The following SUGCT variants were observed in gnomAD, a reference collection of about 807,000 sequenced individuals.
SUGCT encodes the protein succinyl-CoA:glutarate-CoA transferase, also known as succinyl-CoA:glutarate CoA-transferase.
A neutral mutation model predicts 55.0 loss-of-function variants in SUGCT; 41 were observed. The ratio of observed to expected loss-of-function variants is 0.74; its 90% CI spans 0.58 to 0.97. The LOEUF is 0.97. Among genes scored for constraint, SUGCT ranks in the 50% least tolerant of loss-of-function variants. The pLI is 0.00. For synonymous variants in SUGCT, 187 were observed against 200.4 expected, an observed-to-expected ratio of 0.93 and a Z score of 0.56; for missense variants, 568 against 547.8, an observed-to-expected ratio of 1.04 and a Z score of -0.37.
chr7:40,688,137 C>T (rs553238370), intron 12 of SUGCT, among the ~76,000 whole-genome samples: 1 of 152,204 alleles, frequency 6.6e-6, no homozygotes, highest in South Asian at 2.1e-4. Flanking sequence ...ATTATTAGTC[C>T]TTTGATAAGC....
At chr7:40,180,741 G>A (rs1457021743) in intron 1 of SUGCT, among the ~76,000 whole-genome samples, 2 of 151,976 alleles carry the variant, frequency 1.3e-5, no homozygotes, top group Non-Finnish European at 1.5e-5. Context: ...CGCCTGCCTC[G>A]GCCTCCGAAA....
chr7:40,963,741 C>T, the SUGCT span, among the ~76,000 whole-genome samples: 3 of 38,722 alleles, frequency 7.7e-5, no homozygotes, highest in East Asian at 4.4e-4. Flanking sequence ...TCATTCTCTT[C>T]GTTGTTTCTG....
At chr7:40,464,543 G>T (rs140424266) in intron 11 of SUGCT, among the ~76,000 whole-genome samples, 70 of 152,226 alleles carry the variant, frequency 4.6e-4, no homozygotes, top group African/African-American at 1.6e-3. Context: ...AATCATGACA[G>T]CAGAAAAAAA....
At chr7:40,781,632 G>C (rs1789756160) in intron 13 of SUGCT, among the ~76,000 whole-genome samples, 1 of 152,176 alleles carries the variant, frequency 6.6e-6, no homozygotes, top group South Asian at 2.1e-4. Flanking sequence ...TGTTTTCTGA[G>C]AATGAATAGA....
rs184540096 is a variant in SUGCT at position 40,842,571 on chromosome 7, C to G, written c.1154-17745C>G. Among the ~76,000 whole-genome samples the G allele has an allele frequency of 4.2e-3, 634 of 152,274 alleles. 2 individuals carry two copies. Among genetic ancestry groups the G allele is most frequent in the Non-Finnish European group, 7.4e-3 (500 of 68,002 alleles). The stretch of plus-strand genomic sequence containing the variant: ...GTTTATTTCTGAAAATGTAGAAACT[C>G]TTCCTCTTCATTTATTTGTTCATTT... On this transcript the variant is annotated intron_variant, in intron 13 of 13. Transcript: ENST00000335693.
chr7:40,377,538 C>T (rs953071534), intron 9 of SUGCT, among the ~76,000 whole-genome samples: 4 of 151,954 alleles, frequency 2.6e-5, no homozygotes, highest in Admixed American at 6.6e-5. Flanking sequence ...CTACCACGCC[C>T]GGACTTCAGC....
At chr7:40,878,917 C>G in the SUGCT span, among the ~76,000 whole-genome samples, 1 of 151,950 alleles carries the variant, frequency 6.6e-6, no homozygotes, top group Non-Finnish European at 1.5e-5. Flanking sequence ...CCTCAGCCTC[C>G]CGAGTAGCTG....
At chr7:40,459,260 G>T in intron 11 of SUGCT, 62 bp downstream of exon 11, 1 of 1,054,270 alleles carries the variant, frequency 9.5e-7, no homozygotes, top group Non-Finnish European at 1.4e-6. Context: ...TTTATCTGGT[G>T]TTTTATATGT....
At chr7:40,598,502 C>T (rs917204) in intron 12 of SUGCT, among the ~76,000 whole-genome samples, 32,231 of 152,054 alleles carry the variant, frequency 0.21, 5,896 homozygotes, top group African/African-American at 0.5. Flanking sequence ...GATAATTGTT[C>T]TGGGCATTCA....
At chr7:40,867,914 G>A in the SUGCT span, among the ~76,000 whole-genome samples, 1 of 152,144 alleles carries the variant, frequency 6.6e-6, no homozygotes, top group East Asian at 1.9e-4. Context: ...TGTGGGTATC[G>A]TAGTCACTAT....
At chr7:40,971,183 G>A in the SUGCT span, among the ~76,000 whole-genome samples, 1 of 152,150 alleles carries the variant, frequency 6.6e-6, no homozygotes, top group Non-Finnish European at 1.5e-5. Context: ...CATGTCACAT[G>A]GCAAGAGCGG....
chr7:40,644,503 A>G (rs1349785676), intron 12 of SUGCT, among the ~76,000 whole-genome samples: 1 of 152,200 alleles, frequency 6.6e-6, no homozygotes, highest in Non-Finnish European at 1.5e-5. Context: ...ATGTTTCACA[A>G]GAAAGGTGTC....
At position 40,749,464 on chromosome 7, in the gene SUGCT, G is replaced by T; in HGVS notation, c.1120G>T (p.Glu374Ter). Residue 374 changes from glutamate (E) to a stop codon, truncating the protein, a stop_gained, in exon 13 of 14, where the codon GAG becomes TAG. Transcript: ENST00000335693. LOFTEE classifies it high-confidence loss of function. ...ACACAATGGCCTCGTTATGGAGATG[G>T]AGCATCCAACTGTGGGGAAGATTTC... ...VLHNGLVMEM[E>*]HPTVGKISVP... 1 of 1,613,720 alleles carries T rather than the reference G, an allele frequency of 6.2e-7. No homozygotes were observed. The highest frequency in any genetic ancestry group is 1.1e-5 in the South Asian group (1 of 91,074).
the SUGCT span, among the ~76,000 whole-genome samples, chr7:40,981,271 CAT>C: frequency 6.6e-6 from 1 of 152,170 alleles, no homozygotes; most frequent in South Asian, 2.1e-4. Flanking sequence ...AAAGATAGCA[CAT>C]GTTTGCAACC....
intron 12 of SUGCT, among the ~76,000 whole-genome samples, chr7:40,629,403 G>A (rs1799681169): frequency 6.6e-6 from 1 of 152,208 alleles, no homozygotes; most frequent in Admixed American, 6.5e-5. Context: ...CAGATGAAGA[G>A]CTTTGAGGAA....
At chr7:40,502,839 A>G (rs990765470) in intron 12 of SUGCT, among the ~76,000 whole-genome samples, 2 of 152,118 alleles carry the variant, frequency 1.3e-5, no homozygotes, top group Non-Finnish European at 2.9e-5. Flanking sequence ...TTAGCCTCCA[A>G]CTAAATTTAA....
chr7:40,815,812 G>T (rs531579520), intron 13 of SUGCT, among the ~76,000 whole-genome samples: 2 of 152,284 alleles, frequency 1.3e-5, no homozygotes, highest in South Asian at 4.1e-4. Context: ...AGGTGAGTGG[G>T]TGCTCTGAAT....
At chr7:41,034,497 A>C in the SUGCT span, among the ~76,000 whole-genome samples, 1 of 152,126 alleles carries the variant, frequency 6.6e-6, no homozygotes, top group Non-Finnish European at 1.5e-5. Flanking sequence ...CTGGGGCTGG[A>C]GGGGTCAGAG....
rs527897458 is a variant in SUGCT, at chr7:40,628,235, C to T, written c.1090-121199C>T. ...TTCCACTGGGGTTTTGGGACATATC[C>T]CCCTTGGATAAAGGGGACTACTGCA... On this transcript the variant is annotated intron_variant, in intron 12 of 13. Coordinates refer to ENST00000335693, the MANE Select transcript of SUGCT (RefSeq NM_001193313.2). Among the ~76,000 whole-genome samples the T allele has an allele frequency of 9.9e-5, 15 of 152,204 alleles. No homozygotes were observed. The East Asian group carries it at 2.9e-3, about 29-fold the overall frequency.
Sources: allele counts gnomAD v4.1 joint callset (sites outside exome capture counted in the v4.1 genomes callset), GRCh38; gene constraint gnomAD v4.1.1; transcripts MANE v1.5; gene names NCBI Gene and HGNC (gene_info 2026-07-23, HGNC 2026-07-21).